The following FRMD6 variants were observed in gnomAD, a reference collection of about 807,000 sequenced individuals.
FRMD6 encodes the protein FERM domain-containing protein 6.
Under a neutral mutation model 73.2 loss-of-function variants are expected in FRMD6, and 37 were observed. The ratio of observed to expected loss-of-function variants is 0.51; its 90% CI spans 0.39 to 0.66. The LOEUF is 0.66. FRMD6 is among the 30% of genes least tolerant of loss of function. FRMD6 has a pLI of 0.00. For missense variants in FRMD6, 714 were observed against 780.5 expected, an observed-to-expected ratio of 0.91 and a Z score of 1.02; for synonymous variants, 273 against 282.2, an observed-to-expected ratio of 0.97 and a Z score of 0.33.
chr14:51,542,269 A>T (rs752494224), intron 1 of FRMD6, among the ~76,000 whole-genome samples: 5 of 152,066 alleles, frequency 3.3e-5, no homozygotes, highest in Non-Finnish European at 7.4e-5. Flanking sequence ...TCCTATACCC[A>T]TTAAGCAGTC....
At chr14:51,697,379 G>C (rs1299190157) in intron 2 of FRMD6, among the ~76,000 whole-genome samples, 1 of 152,134 alleles carries the variant, frequency 6.6e-6, no homozygotes, top group Non-Finnish European at 1.5e-5. Flanking sequence ...GATGAACCTG[G>C]AGGATGTTAG....
intron 2 of FRMD6, among the ~76,000 whole-genome samples, chr14:51,577,836 A>G (rs567890893): frequency 2.1e-4 from 32 of 152,300 alleles, no homozygotes; most frequent in Non-Finnish European, 4.7e-4. Flanking sequence ...ACATGTGCAG[A>G]ACGTGCAGTT....
At chr14:51,406,480 G>A in the FRMD6 span, among the ~76,000 whole-genome samples, 1 of 151,978 alleles carries the variant, frequency 6.6e-6, no homozygotes, top group Non-Finnish European at 1.5e-5. Context: ...ATTTGTTTAT[G>A]TGTTTTCTGA....
intron 1 of FRMD6, among the ~76,000 whole-genome samples, chr14:51,561,855 C>T (rs969264437): frequency 1.3e-5 from 2 of 152,150 alleles, no homozygotes; most frequent in Admixed American, 6.5e-5. Context: ...GAAATCATCA[C>T]AAATTCATTT....
chr14:51,475,622 G>T, the FRMD6 span, among the ~76,000 whole-genome samples: 1 of 152,042 alleles, frequency 6.6e-6, no homozygotes, highest in African/African-American at 2.4e-5. Flanking sequence ...TTTCCCCCTT[G>T]GGTTGGATTC....
chr14:51,436,440 T>C, the FRMD6 span: 1 of 534,374 alleles, frequency 1.9e-6, no homozygotes, highest in Non-Finnish European at 3.4e-6. Flanking sequence ...ATCAAATTGC[T>C]GAATAGATTT....
At position 51,711,475 on chromosome 14, in the gene FRMD6, A is replaced by G. The variant is rs576316408; in HGVS notation, c.715-56A>G. The G allele has an allele frequency of 4.8e-4, 554 of 1,158,560 alleles. 1 individual carries two copies. The highest frequency in any genetic ancestry group is 9.9e-4 in the South Asian group (69 of 69,948). 71.8% of individuals were successfully genotyped at this position (1,158,560 alleles called of 1,614,324 possible). A position where few individuals can be genotyped will look rare whatever the true frequency, so the allele number is the denominator to read the frequency against. On this transcript the variant is annotated intron_variant, in intron 7 of 13. Transcript: ENST00000344768. ...ATGTTTCTTTGGTGCTAAATTGTCCACTGTAGAAAAAATATATAAAAACAT... is the reference window on the plus strand; with the variant it reads ...ATGTTTCTTTGGTGCTAAATTGTCCGCTGTAGAAAAAATATATAAAAACAT...
intron 2 of FRMD6, among the ~76,000 whole-genome samples, chr14:51,631,521 T>C (rs1158235616): frequency 6.6e-6 from 1 of 152,256 alleles, no homozygotes; most frequent in Non-Finnish European, 1.5e-5. Flanking sequence ...AGCTAAGGGT[T>C]GTTCATGCTT....
the FRMD6 span, among the ~76,000 whole-genome samples, chr14:51,463,371 T>C: frequency 6.6e-6 from 1 of 152,360 alleles, no homozygotes; most frequent in African/African-American, 2.4e-5. Flanking sequence ...TTATAATACC[T>C]ACACATCACT....
At chr14:51,467,917 T>C in the FRMD6 span, among the ~76,000 whole-genome samples, 5 of 152,140 alleles carry the variant, frequency 3.3e-5, no homozygotes, top group East Asian at 1.9e-4. Context: ...GCAATCTCGG[T>C]ACTCTGGGAG....
the FRMD6 span, among the ~76,000 whole-genome samples, chr14:51,434,785 G>A: frequency 2.0e-5 from 3 of 151,980 alleles, no homozygotes. Context: ...GAAAAACCTG[G>A]CATGCATCAC....
intron 2 of FRMD6, among the ~76,000 whole-genome samples, chr14:51,629,206 G>A (rs1891245572): frequency 6.6e-6 from 1 of 152,066 alleles, no homozygotes; most frequent in African/African-American, 2.4e-5. Context: ...TTGGCATAAC[G>A]GTTTTGAAGT....
rs1424595725 is a variant in FRMD6, at chr14:51,532,004, T to TA, written c.-209-38341dup. 5.9e-5 allele frequency among the ~76,000 whole-genome samples: 9 copies of TA among 152,342 alleles called. 1 individual carries two copies. In the East Asian group the frequency reaches 1.7e-3, roughly 29 times the overall value. ...ACTTCTTTTCCAGGGAGTCAGTTGT[T>TA]AAACATTTACCACCACATCGCTGAA... On this transcript the variant is annotated intron_variant, in intron 1 of 14. Coordinates refer to the FRMD6 transcript ENST00000356218.
At chr14:51,559,479 T>TG (rs1415701480) in intron 1 of FRMD6, among the ~76,000 whole-genome samples, 1 of 151,804 alleles carries the variant, frequency 6.6e-6, no homozygotes, top group African/African-American at 2.4e-5. Context: ...TTACTTTTTT[T>TG]TTTTTTTTTT....
Position 51,689,703 on chromosome 14 carries a change from C to A in FRMD6, c.-134C>A, listed in dbSNP as rs761402729. On this transcript the variant is annotated 5_prime_UTR_variant, in exon 2 of 14. Transcript: ENST00000344768. Reference sequence around the variant, plus strand: ...GGCTTTTTCACAGCTATGAAACCCACGTAGTCGAACACCGTGATGCTTCTC... The same window carrying A: ...GGCTTTTTCACAGCTATGAAACCCAAGTAGTCGAACACCGTGATGCTTCTC... 3.0e-6 allele frequency: 2 copies of A among 659,774 alleles called. No homozygotes were observed. The highest frequency in any genetic ancestry group is 1.8e-5 in the South Asian group (1 of 56,902). 40.9% of individuals were successfully genotyped at this position (659,774 alleles called of 1,614,324 possible). A position where few individuals can be genotyped will look rare whatever the true frequency, so the allele number is the denominator to read the frequency against.
At chr14:51,560,613 T>C (rs1048300794) in intron 1 of FRMD6, among the ~76,000 whole-genome samples, 1 of 152,190 alleles carries the variant, frequency 6.6e-6, no homozygotes, top group African/African-American at 2.4e-5. Flanking sequence ...GCCTCCCAAG[T>C]AGCTGGGATT....
the FRMD6 span, among the ~76,000 whole-genome samples, chr14:51,413,519 A>G: frequency 1.3e-5 from 2 of 152,156 alleles, no homozygotes; most frequent in Admixed American, 1.3e-4. Context: ...ATAGTATTCC[A>G]TGGTGTATAT....
intron 2 of FRMD6, among the ~76,000 whole-genome samples, chr14:51,601,163 G>C (rs751854099): frequency 7.2e-5 from 11 of 152,150 alleles, no homozygotes; most frequent in African/African-American, 1.2e-4. Context: ...GCTTTGGGTA[G>C]AGCTGAGCTC....
intron 1 of FRMD6, among the ~76,000 whole-genome samples, chr14:51,682,292 T>A (rs976262137): frequency 6.6e-6 from 1 of 152,192 alleles, no homozygotes; most frequent in Non-Finnish European, 1.5e-5. Context: ...TGGTCTTCTC[T>A]GCTTATGGTG....
Sources: allele counts gnomAD v4.1 joint callset (sites outside exome capture counted in the v4.1 genomes callset), GRCh38; gene constraint gnomAD v4.1.1; transcripts MANE v1.5; gene names NCBI Gene and HGNC (gene_info 2026-07-23, HGNC 2026-07-21).